The following SCAMP3 variants were observed in gnomAD, a reference collection of about 807,000 sequenced individuals.
The protein encoded by SCAMP3 is secretory carrier-associated membrane protein 3.
Under a neutral mutation model 44.1 loss-of-function variants are expected in SCAMP3, and 30 were observed. That is an observed-to-expected ratio of 0.68 (90% confidence interval 0.51 to 0.92). SCAMP3 has a LOEUF of 0.92. SCAMP3 is among the 40% of genes least tolerant of loss of function. SCAMP3 has a pLI of 0.00. For synonymous variants in SCAMP3, 168 were observed against 171.1 expected (o/e 0.98, Z 0.14); for missense variants, 394 against 440.0 (o/e 0.90, Z 0.93).
Position 155,256,942 on chromosome 1 carries a change from A to T in SCAMP3, c.780-151T>A, listed in dbSNP as rs920306960. ...AGCACCACAATCCCAAACTGTATCTAATCTCTTCATAGTTTAATTCCAGTT... is the reference window on the plus strand; with the variant it reads ...AGCACCACAATCCCAAACTGTATCTTATCTCTTCATAGTTTAATTCCAGTT... On this transcript the variant is annotated intron_variant, in intron 7 of 8. Transcript: ENST00000302631. The T allele has an allele frequency of 4.6e-6, 3 of 649,900 alleles. No homozygotes were observed. The South Asian group carries it at 5.3e-5, about 12-fold the overall frequency. The allele number at this position is 649,900 out of a possible 1,614,324, so 40.3% of individuals were successfully genotyped here.
Position 155,257,478 on chromosome 1 carries a change from C to G in SCAMP3, c.677+20G>C. ...GCCCATCCCAGGTCTCCATCACTCT[C>G]CCACCACTAACACACTTACCGGAAA... On this transcript the variant is annotated intron_variant, in intron 6 of 8. Coordinates refer to ENST00000302631, the MANE Select transcript of SCAMP3 (RefSeq NM_005698.4). 2 of 1,613,262 alleles carry G rather than the reference C, an allele frequency of 1.2e-6. No individual in the cohort carries two copies. The highest frequency in any genetic ancestry group is 1.7e-6 in the Non-Finnish European group (2 of 1,179,562).
At chr1:155,259,155 T>A in intron 4 of SCAMP3, among the ~76,000 whole-genome samples, 1 of 135,108 alleles carries the variant, frequency 7.4e-6, no homozygotes. Context: ...CAAGCAACCC[T>A]CCCACCTCAG....
chr1:155,260,076 C>T (rs894668015), intron 4 of SCAMP3, among the ~76,000 whole-genome samples: 12 of 151,916 alleles, frequency 7.9e-5, no homozygotes, highest in East Asian at 7.7e-4. Flanking sequence ...CTCAGCCTCC[C>T]GAGTAGCTGG....
Position 155,262,189 on chromosome 1 carries a change from C to T in SCAMP3, c.-38G>A, listed in dbSNP as rs1672987280. On this transcript the variant is annotated 5_prime_UTR_variant, in exon 1 of 9. In the 5' UTR this introduces an upstream ATG that the reference lacks. Transcript: ENST00000302631. ...GGCCTCCGCGGCCCTCTGCCCTCCA[C>T]GCCCCTGCCGCAGCAGTGGCGGTAG... 6.9e-6 allele frequency: 11 copies of T among 1,591,124 alleles called. No homozygotes were observed. The highest frequency in any genetic ancestry group is 1.3e-5 in the African/African-American group (1 of 74,460).
intron 1 of SCAMP3, 25 bp downstream of exon 1, chr1:155,262,059 CAA>C: frequency 1.9e-6 from 3 of 1,611,244 alleles, no homozygotes; most frequent in Non-Finnish European, 2.5e-6. Flanking sequence ...CCTGACCGCC[CAA>C]AAGAGGCCGA....
At chr1:155,257,754 G>A in intron 5 of SCAMP3, 97 bp from the exon 6 acceptor site, 1 of 1,227,046 alleles carries the variant, frequency 8.1e-7, no homozygotes, top group East Asian at 2.6e-5. Flanking sequence ...AAACATGGCA[G>A]AGTAAGGAAA....
chr1:155,257,722 T>C, intron 5 of SCAMP3, 65 bp from the exon 6 acceptor site: 1 of 1,435,558 alleles, frequency 7.0e-7, no homozygotes, highest in Non-Finnish European at 9.6e-7. Context: ...TTCCCATCTA[T>C]GCTCATCCTA....
intron 5 of SCAMP3, 72 bp downstream of exon 5, chr1:155,258,754 C>G: frequency 3.5e-6 from 5 of 1,431,838 alleles, no homozygotes; most frequent in Non-Finnish European, 4.7e-6. Context: ...GTGTTTGGTT[C>G]TTGGTGAGCG....
intron 5 of SCAMP3, among the ~76,000 whole-genome samples, chr1:155,258,318 CTTTTTTTTTTTTTTTT>C (rs71996352): frequency 9.2e-5 from 8 of 86,592 alleles, no homozygotes; most frequent in East Asian, 5.0e-4. Flanking sequence ...CGTGCCCGGC[CTTTTTTTTTTTTTTTT>C]TTTTTTTTTT....
chr1:155,257,158 A>T, intron 7 of SCAMP3, 127 bp downstream of exon 7: 4 of 665,408 alleles, frequency 6.0e-6, no homozygotes, highest in Non-Finnish European at 8.0e-6. Context: ...TATGTCTTGT[A>T]TCTCATTAAA....
chr1:155,257,243 G>T, intron 7 of SCAMP3, 42 bp downstream of exon 7: 1 of 1,333,168 alleles, frequency 7.5e-7, no homozygotes, highest in Non-Finnish European at 1.1e-6. Flanking sequence ...GTGCTGGCTG[G>T]ATCTAGAGGG....
Position 155,257,647 on chromosome 1 carries a change from C to T in SCAMP3, c.528G>A (p.Leu176=). The T allele has an allele frequency of 6.4e-7, 1 of 1,559,270 alleles. No individual in the cohort carries two copies. The highest frequency in any genetic ancestry group is 8.7e-7 in the Non-Finnish European group (1 of 1,151,070). Reference sequence around the variant, plus strand: ...AGGCGAGGAAGTTCAGGAGAAGAGCCAGCGTGCTGCCTAAGGGGCAGAGGG... The same window carrying T: ...AGGCGAGGAAGTTCAGGAGAAGAGCTAGCGTGCTGCCTAAGGGGCAGAGGG... The part of the protein sequence containing the change: ...TMYYLWMCST[L]ALLLNFLACL... The change falls in exon 6 of 9, where the codon CTG becomes CTA. Residue 176 remains leucine, a synonymous_variant. Coordinates refer to ENST00000302631, the MANE Select transcript of SCAMP3 (RefSeq NM_005698.4).
chr1:155,259,469 C>A (rs1465088237), intron 4 of SCAMP3, among the ~76,000 whole-genome samples: 1 of 152,180 alleles, frequency 6.6e-6, no homozygotes, highest in Non-Finnish European at 1.5e-5. Flanking sequence ...GGCGCCTGGC[C>A]GTCCACCTCA....
rs1240033816 is a variant in SCAMP3 at position 155,262,160 on chromosome 1, C to T, written c.-9G>A. 1.2e-6 allele frequency: 2 copies of T among 1,612,818 alleles called. No individual in the cohort carries two copies. Among genetic ancestry groups the T allele is most frequent in the Non-Finnish European group, 1.7e-6 (2 of 1,179,758 alleles). On this transcript the variant is annotated 5_prime_UTR_variant, in exon 1 of 9. Transcript: ENST00000302631. ...TCTCTGCTCTGAGCCATGTTTGCAA[C>T]TGCGGCCTCCGCGGCCCTCTGCCCT...
Position 155,256,255 on chromosome 1 carries a change from G to A in SCAMP3, c.*18C>T. On this transcript the variant is annotated 3_prime_UTR_variant, in exon 9 of 9. Coordinates refer to ENST00000302631, the MANE Select transcript of SCAMP3 (RefSeq NM_005698.4). ...TCAGCTCCCTCAAGTAGCAGGGCCA[G>A]GGCATCCCAGTCAGGGGTCACGGGG... The A allele has an allele frequency of 6.5e-7, 1 of 1,547,126 alleles. No individual in the cohort carries two copies. Among genetic ancestry groups the A allele is most frequent in the Non-Finnish European group, 8.7e-7 (1 of 1,143,324 alleles).
At chr1:155,260,240 G>T in intron 4 of SCAMP3, 90 bp downstream of exon 4, 1 of 1,511,334 alleles carries the variant, frequency 6.6e-7, no homozygotes, top group Admixed American at 1.7e-5. Flanking sequence ...TTATAGGTGT[G>T]AGCCACCGCA....
chr1:155,259,926 A>G (rs1173491203), intron 4 of SCAMP3, among the ~76,000 whole-genome samples: 1 of 151,154 alleles, frequency 6.6e-6, no homozygotes, highest in Non-Finnish European at 1.5e-5. Context: ...ATTCAAACTC[A>G]GCAGTCTGAC....
Position 155,256,737 on chromosome 1 carries a change from G to A in SCAMP3, c.834C>T (p.Leu278=), listed in dbSNP as rs752102906. Residue 278 remains leucine (L), a synonymous_variant, in exon 8 of 9, where the codon CTC becomes CTT. Transcript: ENST00000302631. ...TGAAGAGCAGGGCGACCAGCAGCAT[G>A]AGCACGGATACTGCTGTGTTGCCCT... The part of the protein sequence containing the change: ...VPKGNTAVSV[L]MLLVALLFTG... 1.1e-5 allele frequency: 18 copies of A among 1,614,210 alleles called. No individual in the cohort carries two copies. Among genetic ancestry groups the A allele is most frequent in the South Asian group, 4.4e-5 (4 of 91,084 alleles).
At chr1:155,259,197 A>G (rs574941079) in intron 4 of SCAMP3, among the ~76,000 whole-genome samples, 39 of 129,866 alleles carry the variant, frequency 3.0e-4, no homozygotes, top group Non-Finnish European at 5.1e-4. Flanking sequence ...CTCCTGAGAT[A>G]GAGTTTCGCT....
Sources: gnomAD v4.1 joint callset for allele counts (sites outside exome capture counted in the v4.1 genomes callset) on GRCh38, gnomAD v4.1.1 for gene constraint, MANE v1.5 for transcripts, NCBI Gene and HGNC (gene_info 2026-07-23, HGNC 2026-07-21) for gene names.